SHROOM3: variants seen among roughly 807,000 people sequenced by gnomAD.
SHROOM3 encodes the protein shroom family member 3, also known as protein Shroom3.
A neutral mutation model predicts 138.6 loss-of-function variants in SHROOM3; 47 were observed. That is an observed-to-expected ratio of 0.34 (90% CI 0.27 to 0.43). The LOEUF is 0.43. SHROOM3 is among the 20% of genes least tolerant of loss of function. SHROOM3 has a pLI of 1.00. For missense variants in SHROOM3, 2,491 were observed against 2,596.5 expected (o/e 0.96, Z 0.88); for synonymous variants, 1,062 against 1,063.3 (o/e 1.00, Z 0.02).
At chr4:76,444,493 T>TC (rs1730764495) in intron 1 of SHROOM3, among the ~76,000 whole-genome samples, 1 of 125,474 alleles carries the variant, frequency 8.0e-6, no homozygotes, top group Non-Finnish European at 1.7e-5. Context: ...TCTTTTTTTT[T>TC]TTTTTTTTTT....
chr4:76,764,674 A>G (rs1329344407), intron 9 of SHROOM3, among the ~76,000 whole-genome samples: 2 of 152,162 alleles, frequency 1.3e-5, no homozygotes, highest in African/African-American at 4.8e-5. Flanking sequence ...ACAAATGTTC[A>G]CTTTCCTCTT....
At chr4:76,629,278 T>A (rs1382693205) in intron 2 of SHROOM3, among the ~76,000 whole-genome samples, 1 of 152,164 alleles carries the variant, frequency 6.6e-6, no homozygotes, top group Admixed American at 6.5e-5. Context: ...GCCAAGACCA[T>A]GCCTGGTCTG....
At chr4:76,610,770 GT>G (rs1553928458) in intron 2 of SHROOM3, among the ~76,000 whole-genome samples, 8 of 152,106 alleles carry the variant, frequency 5.3e-5, no homozygotes, top group Non-Finnish European at 1.2e-4. Context: ...AGATCTTAAG[GT>G]TATCTCCCTA....
chr4:76,585,108 T>C (rs1734125953), intron 2 of SHROOM3, among the ~76,000 whole-genome samples: 1 of 152,214 alleles, frequency 6.6e-6, no homozygotes, highest in Non-Finnish European at 1.5e-5. Context: ...AATGCAATGA[T>C]ACTTTGAGGA....
intron 2 of SHROOM3, among the ~76,000 whole-genome samples, chr4:76,632,657 A>G (rs1735360479): frequency 1.3e-5 from 2 of 152,214 alleles, no homozygotes; most frequent in Admixed American, 6.5e-5. Context: ...TGGAGTTTCT[A>G]TCACCATTTT....
At chr4:76,557,280 C>T (rs1047572272) in intron 2 of SHROOM3, among the ~76,000 whole-genome samples, 38 of 146,170 alleles carry the variant, frequency 2.6e-4, no homozygotes, top group Non-Finnish European at 4.4e-4. Flanking sequence ...ATTATCCAGC[C>T]ATAAAAAAAG....
Position 76,741,080 on chromosome 4 carries a change from G to A in SHROOM3, c.2907G>A (p.Arg969=), listed in dbSNP as rs1278279613. ...PRPSSAHVGL[R]SPEASASASP... The stretch of plus-strand genomic sequence containing the variant: ...CTTCCTCGGCCCACGTGGGGCTGCG[G>A]AGCCCCGAGGCGTCGGCCTCCGCCT... Residue 969 remains arginine, a synonymous_variant, in exon 5 of 11, where the codon CGG becomes CGA. Coordinates refer to ENST00000296043, the MANE Select transcript of SHROOM3 (RefSeq NM_020859.4). This position sits in a 1 kb window ranked among gnomAD's most constrained non-coding sequence, Gnocchi z 6.2. 6.5e-7 allele frequency: 1 copy of A among 1,536,588 alleles called. No individual in the cohort carries two copies. The highest frequency in any genetic ancestry group is 8.8e-7 in the Non-Finnish European group (1 of 1,142,182).
chr4:76,709,141 TAGA>T (rs1720153024), intron 2 of SHROOM3, among the ~76,000 whole-genome samples: 1 of 152,212 alleles, frequency 6.6e-6, no homozygotes, highest in African/African-American at 2.4e-5. Context: ...TTCCAGGAAA[TAGA>T]AGGCCAGATG....
chr4:76,515,581 C>T (rs1193007886), intron 1 of SHROOM3, among the ~76,000 whole-genome samples: 9 of 152,040 alleles, frequency 5.9e-5, no homozygotes, highest in South Asian at 2.1e-4. Context: ...TCCAGGTTTT[C>T]GAATTGTCCT....
At chr4:76,478,733 G>A (rs548044213) in intron 1 of SHROOM3, among the ~76,000 whole-genome samples, 14 of 152,274 alleles carry the variant, frequency 9.2e-5, no homozygotes, top group South Asian at 2.1e-4. Context: ...GGAGAGCTCC[G>A]GCTGGCATCT....
intron 1 of SHROOM3, among the ~76,000 whole-genome samples, chr4:76,522,826 AAG>A (rs938546320): frequency 7.2e-5 from 11 of 152,184 alleles, no homozygotes; most frequent in African/African-American, 2.7e-4. Context: ...TTTAGTAAAA[AAG>A]AGATTATATA....
intron 2 of SHROOM3, among the ~76,000 whole-genome samples, chr4:76,692,670 G>A (rs1164095288): frequency 1.3e-5 from 2 of 152,156 alleles, no homozygotes; most frequent in East Asian, 1.9e-4. Context: ...CAATGAATAC[G>A]ACTCAGCGAT....
At chr4:76,597,051 C>T (rs144168128) in intron 2 of SHROOM3, among the ~76,000 whole-genome samples, 44 of 152,282 alleles carry the variant, frequency 2.9e-4, no homozygotes, top group Middle Eastern at 3.4e-3. Context: ...CTAGAATAGA[C>T]GGCAACGGAG....
At chr4:76,767,739 A>G (rs1307899165) in intron 9 of SHROOM3, among the ~76,000 whole-genome samples, 2 of 152,146 alleles carry the variant, frequency 1.3e-5, no homozygotes, top group Non-Finnish European at 2.9e-5. Context: ...TTTAAATACA[A>G]TGAGGCCACA....
intron 2 of SHROOM3, among the ~76,000 whole-genome samples, chr4:76,700,290 A>C (rs1719866822): frequency 1.3e-5 from 2 of 152,192 alleles, no homozygotes; most frequent in Non-Finnish European, 2.9e-5. Context: ...AATAGCAGAA[A>C]GTCACCTGCC....
chr4:76,605,131 T>C (rs1734587575), intron 2 of SHROOM3, among the ~76,000 whole-genome samples: 1 of 152,106 alleles, frequency 6.6e-6, no homozygotes, highest in South Asian at 2.1e-4. Context: ...AAAGCATCAG[T>C]ATGAGTGTAC....
At position 76,781,981 on chromosome 4, in the gene SHROOM3, G is replaced by T. The variant is rs1362786440; in HGVS notation, c.*2804G>T. ...GTCAGAACTCAGGTGAGATAATCTTGCAATACTCCAAATGCAGATACTCCA... is the reference window on the plus strand; with the variant it reads ...GTCAGAACTCAGGTGAGATAATCTTTCAATACTCCAAATGCAGATACTCCA... On this transcript the variant is annotated 3_prime_UTR_variant, in exon 11 of 11. Coordinates refer to ENST00000296043, the MANE Select transcript of SHROOM3 (RefSeq NM_020859.4). The T allele has an allele frequency of 3.3e-5, 5 of 152,154 alleles. No homozygotes were observed. The highest frequency in any genetic ancestry group is 1.3e-4 in the Admixed American group (2 of 15,280). The allele number at this position is 152,154 out of a possible 1,614,324, so 9.4% of individuals were successfully genotyped here. A position where few individuals can be genotyped will look rare whatever the true frequency, so the allele number is the denominator to read the frequency against.
chr4:76,445,402 G>T (rs543761506), intron 1 of SHROOM3, among the ~76,000 whole-genome samples: 3 of 152,232 alleles, frequency 2.0e-5, no homozygotes, highest in African/African-American at 7.2e-5. Context: ...TACCCAATAC[G>T]ATATGTTCCA....
chr4:76,635,240 C>T (rs1987333), intron 2 of SHROOM3, among the ~76,000 whole-genome samples: 53,934 of 151,980 alleles, frequency 0.35, 10,023 homozygotes, highest in East Asian at 0.51. Context: ...CTCATCCATA[C>T]GGCCATTACA....
Sources: allele counts gnomAD v4.1 joint callset (sites outside exome capture counted in the v4.1 genomes callset), GRCh38; gene constraint gnomAD v4.1.1; non-coding constraint Gnocchi (gnomAD v3.1); transcripts MANE v1.5; gene names NCBI Gene and HGNC (gene_info 2026-07-23, HGNC 2026-07-21).